NTSR1: variants seen among roughly 807,000 people sequenced by gnomAD.
NTSR1 encodes the protein neurotensin receptor 1, also known as neurotensin receptor type 1.
Under a neutral mutation model 31.2 loss-of-function variants are expected in NTSR1, and 29 were observed. The ratio of observed to expected loss-of-function variants is 0.93; its 90% CI spans 0.69 to 1.27. The LOEUF is 1.27. Ranked by LOEUF, NTSR1 falls within the 50% of genes most tolerant of loss-of-function variation. NTSR1 has a pLI of 0.00. For synonymous variants in NTSR1, 282 were observed against 269.9 expected (o/e 1.04, Z -0.44); for missense variants, 697 against 595.4 (o/e 1.17, Z -1.78).
rs1988601493 is a variant in NTSR1 at position 62,711,039 on chromosome 20, A to G, written c.714+1118A>G. Among the ~76,000 whole-genome samples the G allele has an allele frequency of 6.6e-6, 1 of 152,156 alleles. No homozygotes were observed. Among genetic ancestry groups the G allele is most frequent in the African/African-American group, 2.4e-5 (1 of 41,438 alleles). ...GTTGCCTGGGCACCCCGCGTATGCC[A>G]GTATGCCCGGTGGGGGTGAGGGCAG... On this transcript the variant is annotated intron_variant, in intron 1 of 3. Transcript: ENST00000370501. The surrounding 1 kb of genome is among the most constrained non-coding windows in gnomAD (Gnocchi z 6.4).
At chr20:62,759,865 G>T (rs1474687766) in intron 3 of NTSR1, among the ~76,000 whole-genome samples, 153 bp from the exon 4 acceptor site, 7 of 151,912 alleles carry the variant, frequency 4.6e-5, no homozygotes, top group Non-Finnish European at 1.0e-4. Flanking sequence ...CCTGGAGCTT[G>T]TTATGAAATG....
In NTSR1 at chr20:62,709,261, C is replaced by G. The variant is rs1340373479; in HGVS notation, c.54C>G (p.Pro18=). ...CCCCGGGCACGCCGGCCGCCGACCC[C>G]TTCCAGCGGGCGCAGGCCGGACTGG... ...PGTPGTPAAD[P]FQRAQAGLEE... Residue 18 remains proline (P), a synonymous_variant, in exon 1 of 4, where the codon CCC becomes CCG. Transcript: ENST00000370501. 14 of 1,547,878 alleles carry G rather than the reference C, an allele frequency of 9.0e-6. No homozygotes were observed. The East Asian group carries it at 3.4e-4, about 38-fold the overall frequency.
At chr20:62,727,879 G>A (rs1988935833) in intron 1 of NTSR1, among the ~76,000 whole-genome samples, 1 of 152,250 alleles carries the variant, frequency 6.6e-6, no homozygotes, top group African/African-American at 2.4e-5. Context: ...GTGGGCAAAG[G>A]GACAGACCTG....
chr20:62,739,832 C>T (rs1165179788), intron 1 of NTSR1, among the ~76,000 whole-genome samples: 1 of 152,274 alleles, frequency 6.6e-6, no homozygotes, highest in Non-Finnish European at 1.5e-5. Context: ...CGGCCGGCGA[C>T]GGCCAGAACT....
rs951283720 is a variant in NTSR1 at position 62,715,114 on chromosome 20, A to G, written c.714+5193A>G. Among the ~76,000 whole-genome samples, 1 of 152,218 alleles carries G rather than the reference A, an allele frequency of 6.6e-6. No homozygotes were observed. Among genetic ancestry groups the G allele is most frequent in the African/African-American group, 2.4e-5 (1 of 41,458 alleles). On this transcript the variant is annotated intron_variant, in intron 1 of 3. Transcript: ENST00000370501. The surrounding 1 kb of genome is among the most constrained non-coding windows in gnomAD (Gnocchi z 4.7). ...ATGACATTTTTGGCATGTTTGAAAA[A>G]TTTAGTAATTAAAAGTTTTCAAAAG...
intron 1 of NTSR1, among the ~76,000 whole-genome samples, chr20:62,739,317 C>A (rs1177708743): frequency 6.6e-6 from 1 of 152,238 alleles, no homozygotes; most frequent in Non-Finnish European, 1.5e-5. Context: ...GCCCTGGGTC[C>A]CACTGCTGTT....
chr20:62,729,771 G>A (rs917663800), intron 1 of NTSR1, among the ~76,000 whole-genome samples: 8 of 151,508 alleles, frequency 5.3e-5, no homozygotes, highest in African/African-American at 1.9e-4. Context: ...ACAGGAGCCC[G>A]CCACCTCCCT....
Position 62,744,681 on chromosome 20 carries a change from C to T in NTSR1, c.715-10004C>T, listed in dbSNP as rs117379864. The stretch of plus-strand genomic sequence containing the variant: ...GACGGAGGTTGTGATAAGCAGAAAT[C>T]GCGCCACTGCACTCCAGCCTGGGCA... On this transcript the variant is annotated intron_variant, in intron 1 of 3. Coordinates refer to ENST00000370501, the MANE Select transcript of NTSR1 (RefSeq NM_002531.3). This position sits in a 1 kb window ranked among gnomAD's most constrained non-coding sequence, Gnocchi z 4.1. 2.7e-3 allele frequency among the ~76,000 whole-genome samples: 409 copies of T among 152,096 alleles called. 3 individuals carry two copies. Among genetic ancestry groups the T allele is most frequent in the East Asian group, 0.022 (114 of 5,168 alleles).
At chr20:62,738,009 T>C (rs8116413) in intron 1 of NTSR1, among the ~76,000 whole-genome samples, 4,214 of 77,266 alleles carry the variant, frequency 0.055, 131 homozygotes, top group African/African-American at 0.21. Flanking sequence ...GCATGCCCCC[T>C]GGTCCTCCGC....
rs895025905 is a variant in NTSR1, at chr20:62,757,431, T to C, written c.917-835T>C. ...CCCTTGGTCTACGTGTCTATCTTTA[T>C]GCCAGCACCACACTGTAACTTTGTA... On this transcript the variant is annotated intron_variant, in intron 2 of 3. Coordinates refer to ENST00000370501, the MANE Select transcript of NTSR1 (RefSeq NM_002531.3). 2.0e-5 allele frequency among the ~76,000 whole-genome samples: 3 copies of C among 152,258 alleles called. No individual in the cohort carries two copies. In the South Asian group the frequency reaches 6.2e-4, roughly 32 times the overall value.
At chr20:62,749,208 G>A (rs77724529) in intron 1 of NTSR1, among the ~76,000 whole-genome samples, 2 of 152,126 alleles carry the variant, frequency 1.3e-5, no homozygotes, top group Non-Finnish European at 2.9e-5. Context: ...TTGGGAGGCC[G>A]AGGTGGGCGG....
intron 1 of NTSR1, among the ~76,000 whole-genome samples, chr20:62,725,990 G>C (rs2147136195): frequency 6.6e-6 from 1 of 152,346 alleles, no homozygotes; most frequent in South Asian, 2.1e-4. Flanking sequence ...CATGGGCCAA[G>C]AGATCTGCTG....
chr20:62,757,103 T>C (rs970423896), intron 2 of NTSR1, among the ~76,000 whole-genome samples: 8 of 152,254 alleles, frequency 5.3e-5, no homozygotes, highest in African/African-American at 1.7e-4. Context: ...TTATCTACTT[T>C]TTTCTTTTGT....
At chr20:62,748,040 T>A (rs530888422) in intron 1 of NTSR1, among the ~76,000 whole-genome samples, 2 of 152,030 alleles carry the variant, frequency 1.3e-5, no homozygotes, top group South Asian at 4.2e-4. Flanking sequence ...CTGGGCGTGG[T>A]GGTGTGTGCC....
intron 1 of NTSR1, among the ~76,000 whole-genome samples, chr20:62,734,938 T>C (rs35028884): frequency 0.11 from 16,304 of 152,162 alleles, 2,116 homozygotes; most frequent in East Asian, 0.31. Flanking sequence ...AGCCCCTCCC[T>C]GCTGATGAGA....
rs554883373 is a variant in NTSR1, at chr20:62,714,912, G to A, written c.714+4991G>A. On this transcript the variant is annotated intron_variant, in intron 1 of 3. Coordinates refer to ENST00000370501, the MANE Select transcript of NTSR1 (RefSeq NM_002531.3). The surrounding 1 kb of genome is among the most constrained non-coding windows in gnomAD (Gnocchi z 4.1). ...CAAATTCTTGTTGTCCAGAGCTGTT[G>A]TGGGTATGGTTTTCAAAATGGTCCT... Among the ~76,000 whole-genome samples the A allele has an allele frequency of 5.3e-5, 8 of 152,198 alleles. No individual in the cohort carries two copies. Among genetic ancestry groups the A allele is most frequent in the Non-Finnish European group, 7.3e-5 (5 of 68,036 alleles).
intron 1 of NTSR1, among the ~76,000 whole-genome samples, chr20:62,739,186 A>G (rs1390700668): frequency 3.9e-5 from 6 of 152,094 alleles, no homozygotes; most frequent in Non-Finnish European, 8.8e-5. Flanking sequence ...GCTCTCCAGG[A>G]CACTTCCGGG....
At chr20:62,759,969 G>A (rs1258310725) in intron 3 of NTSR1, 49 bp from the exon 4 acceptor site, 2 of 1,596,224 alleles carry the variant, frequency 1.3e-6, no homozygotes, top group South Asian at 2.2e-5. Flanking sequence ...CCTGCCTTGG[G>A]GCCCTCAAGA....
chr20:62,759,998 G>A lies in NTSR1; in HGVS notation c.1008-20G>A, dbSNP rs1380649714. On this transcript the variant is annotated intron_variant, in intron 3 of 3. Transcript: ENST00000370501. ...CTCAAGAGTTCTCTCTGGGATCTGA[G>A]CGCCTCTCTCTCCCCGCAGGTTCCT... is the stretch of plus-strand genomic sequence containing the variant. The A allele has an allele frequency of 1.2e-6, 2 of 1,611,234 alleles. No homozygotes were observed. Among genetic ancestry groups the A allele is most frequent in the Admixed American group, 3.3e-5 (2 of 59,972 alleles).
Sources: gnomAD v4.1 joint callset for allele counts (sites outside exome capture counted in the v4.1 genomes callset) on GRCh38, gnomAD v4.1.1 for gene constraint, Gnocchi (gnomAD v3.1) non-coding constraint, MANE v1.5 for transcripts, NCBI Gene and HGNC (gene_info 2026-07-23, HGNC 2026-07-21) for gene names.